Variants in NUP188 observed in about 807,000 individuals in gnomAD.
The protein encoded by NUP188 is nucleoporin NUP188.
NUP188 carries 97 observed loss-of-function variants against 223.0 expected under a neutral mutation model. That is an observed-to-expected ratio of 0.43 (90% CI 0.37 to 0.51). NUP188 has a LOEUF of 0.51. Ranked by LOEUF, NUP188 falls within the 20% of genes least tolerant of loss-of-function variation. The pLI is 0.00. For missense variants in NUP188, 1,947 were observed against 2,175.6 expected (o/e 0.89, Z 2.09); for synonymous variants, 869 against 828.0 (o/e 1.05, Z -0.85).
intron 24 of NUP188, among the ~76,000 whole-genome samples, chr9:128,989,695 T>C (rs1418044711): frequency 6.6e-6 from 1 of 151,870 alleles, no homozygotes; most frequent in Non-Finnish European, 1.5e-5. Context: ...TAGCTGGACG[T>C]GGTGGTGCAC....
rs749050021 is a variant in NUP188, at chr9:128,980,578, A to T, written c.1270-28A>T. 10 of 1,592,240 alleles carry T rather than the reference A, an allele frequency of 6.3e-6. No individual in the cohort carries two copies. The South Asian group carries it at 1.0e-4, about 16-fold the overall frequency. ...ATGTTAATTTGTGGATAATGTGAAG[A>T]TCAGTGATTTGTCCCCTTCCACCAC... On this transcript the variant is annotated intron_variant, in intron 13 of 43. Coordinates refer to ENST00000372577, the MANE Select transcript of NUP188 (RefSeq NM_015354.3).
intron 3 of NUP188, 77 bp downstream of exon 3, chr9:128,952,923 C>T: frequency 8.7e-7 from 1 of 1,154,616 alleles, no homozygotes; most frequent in East Asian, 2.4e-5. Flanking sequence ...CTTCTATGTG[C>T]TTTGATGATA....
intron 2 of NUP188, among the ~76,000 whole-genome samples, chr9:128,950,470 C>T (rs756001049): frequency 6.6e-6 from 1 of 152,228 alleles, no homozygotes; most frequent in Non-Finnish European, 1.5e-5. Flanking sequence ...ATCTGCCCAC[C>T]TCAGTCTCCC....
Position 129,006,324 on chromosome 9 carries a change from C to T in NUP188, c.5029C>T (p.Pro1677Ser). 1 of 1,614,162 alleles carries T rather than the reference C, an allele frequency of 6.2e-7. No homozygotes were observed. Among genetic ancestry groups the T allele is most frequent in the East Asian group, 2.2e-5 (1 of 44,870 alleles). Residue 1677 changes from proline to serine, a missense_variant, in exon 43 of 44, where the codon CCC becomes TCC. Transcript: ENST00000372577. ...MRYLRDPAVH[P>S]RDKQRMKQEL... is the part of the protein sequence containing the mutation. ...GTACCTTAGGGACCCGGCTGTGCAC[C>T]CCCGGGACAAACAGCGGATGAAGCA...
In NUP188 at chr9:129,006,079, G is replaced by C; in HGVS notation, c.4899G>C (p.Gln1633His). The part of the protein sequence containing the change: ...ELDKKKEPLT[Q>H]AVGLSTQAEG... The stretch of plus-strand genomic sequence containing the variant: ...ACAAGAAAAAGGAGCCCCTCACCCA[G>C]GCAGTGGGGCTCAGCACACAGGCAG... The change falls in exon 42 of 44, where the codon CAG (glutamine) becomes CAC (histidine). Residue 1633 changes from glutamine to histidine, a missense_variant. Gln to His is a conservative substitution (Grantham distance 24). This residue lies in a region of NUP188 where 905 missense variants were observed against 990.6 expected (regional missense o/e 0.91). Transcript: ENST00000372577. The C allele has an allele frequency of 6.2e-7, 1 of 1,614,166 alleles. No individual in the cohort carries two copies. The highest frequency in any genetic ancestry group is 1.6e-4 in the Middle Eastern group (1 of 6,062).
At chr9:128,947,962 T>G (rs1841712855) in intron 1 of NUP188, 1 of 401,374 alleles carries the variant, frequency 2.5e-6, no homozygotes, top group South Asian at 1.3e-4. Context: ...GGCCGGCTCT[T>G]CACCCCTTCC....
In NUP188 at chr9:129,006,108, G is replaced by A. The variant is rs939226852; in HGVS notation, c.4928G>A (p.Gly1643Glu). ...QAVGLSTQAEGTRTLKSLLMF... is the reference protein window; with the variant it reads ...QAVGLSTQAEETRTLKSLLMF... Reference sequence around the variant, plus strand: ...GTGGGGCTCAGCACACAGGCAGAAGGGACCAGGACGTTAAAGTAAGTGCTC... The same window carrying A: ...GTGGGGCTCAGCACACAGGCAGAAGAGACCAGGACGTTAAAGTAAGTGCTC... The change falls in exon 42 of 44, where the codon GGG becomes GAG. Residue 1643 changes from glycine (G) to glutamate (E), a missense_variant. This residue lies in a region of NUP188 where 905 missense variants were observed against 990.6 expected (regional missense o/e 0.91). Transcript: ENST00000372577. 9.9e-6 allele frequency: 16 copies of A among 1,614,126 alleles called. No individual in the cohort carries two copies. The highest frequency in any genetic ancestry group is 1.4e-5 in the Non-Finnish European group (16 of 1,180,034).
At chr9:128,953,179 T>A (rs754782755) in intron 3 of NUP188, among the ~76,000 whole-genome samples, 1 of 152,204 alleles carries the variant, frequency 6.6e-6, no homozygotes, top group South Asian at 2.1e-4. Context: ...CAGTGAAGGA[T>A]GATGCTAACA....
At chr9:128,989,253 T>G (rs767815858) in intron 24 of NUP188, among the ~76,000 whole-genome samples, 14 of 151,998 alleles carry the variant, frequency 9.2e-5, no homozygotes, top group Non-Finnish European at 1.6e-4. Flanking sequence ...CAAAAAAAAG[T>G]AGCTGGGCCT....
At chr9:128,984,582 G>A (rs903857460) in intron 19 of NUP188, among the ~76,000 whole-genome samples, 8 of 152,006 alleles carry the variant, frequency 5.3e-5, no homozygotes, top group South Asian at 2.1e-4. Flanking sequence ...ATGGGTTCTC[G>A]AGCTCAGCCA....
At chr9:128,980,176 T>C (rs1041475793) in intron 13 of NUP188, among the ~76,000 whole-genome samples, 3 of 152,200 alleles carry the variant, frequency 2.0e-5, no homozygotes, top group African/African-American at 7.2e-5. Context: ...TTTTACCCTC[T>C]TTTTTGTAAG....
intron 11 of NUP188, among the ~76,000 whole-genome samples, chr9:128,972,731 A>G (rs1842120222): frequency 1.3e-5 from 2 of 152,192 alleles, no homozygotes; most frequent in Non-Finnish European, 2.9e-5. Context: ...CAGTTTTGCT[A>G]TGAACCTAAA....
At position 129,006,664 on chromosome 9, in the gene NUP188, C is replaced by T; in HGVS notation, c.5236C>T (p.His1746Tyr). 1.2e-6 allele frequency: 2 copies of T among 1,613,274 alleles called. No homozygotes were observed. Among genetic ancestry groups the T allele is most frequent in the Non-Finnish European group, 8.5e-7 (1 of 1,179,784 alleles). ...CCAGTTGGTGCAGGCGTTTGTCCGG[C>T]ATATGCAAAGATAGGGCAGTGCTGT... ...LIQLVQAFVR[H>Y]MQR Residue 1746 changes from histidine to tyrosine, a missense_variant, in exon 44 of 44, where the codon CAT becomes TAT. This residue lies in a region of NUP188 where 905 missense variants were observed against 990.6 expected (regional missense o/e 0.91). Coordinates refer to ENST00000372577, the MANE Select transcript of NUP188 (RefSeq NM_015354.3).
chr9:128,999,479 G>GT (rs1215301325), intron 33 of NUP188, 145 bp from the exon 34 acceptor site: 1 of 1,186,874 alleles, frequency 8.4e-7, no homozygotes, highest in East Asian at 2.5e-5. Flanking sequence ...TCCCTCATGT[G>GT]TCTCTCCCTC....
In NUP188 at chr9:129,005,386, C is replaced by A. The variant is rs1305395317; in HGVS notation, c.4593C>A (p.Ser1531=). 6.2e-7 allele frequency: 1 copy of A among 1,613,190 alleles called. No individual in the cohort carries two copies. The highest frequency in any genetic ancestry group is 2.2e-5 in the East Asian group (1 of 44,862). The stretch of plus-strand genomic sequence containing the variant: ...CTGCTGCTTCTGCTGCCCCCTCCTC[C>A]TCAAAGCAGCCCGCTGCTGACACAG... ...PPSAASAAPS[S]SKQPAADTEA... Residue 1531 remains serine (S), a synonymous_variant, in exon 40 of 44, where the codon TCC becomes TCA. Transcript: ENST00000372577.
At chr9:128,966,441 A>G (rs1406000526) in intron 8 of NUP188, among the ~76,000 whole-genome samples, 3 of 151,784 alleles carry the variant, frequency 2.0e-5, no homozygotes, top group African/African-American at 7.3e-5. Context: ...TAGTGGCACA[A>G]TCACGGCTCA....
chr9:128,994,550 G>GA (rs757318621), intron 28 of NUP188, 108 bp downstream of exon 28: 20 of 790,778 alleles, frequency 2.5e-5, no homozygotes, highest in Non-Finnish European at 4.3e-5. Flanking sequence ...TTAAACAACA[G>GA]AATGTTCCCT....
In NUP188 at chr9:129,003,453, A is replaced by G. The variant is rs996853041; in HGVS notation, c.4433A>G (p.Gln1478Arg). 6 of 1,609,354 alleles carry G rather than the reference A, an allele frequency of 3.7e-6. No homozygotes were observed. The Admixed American group carries it at 5.0e-5, about 13-fold the overall frequency. Reference protein sequence around the residue: ...FHLPQLMRDIQVNLGYLCQAC... With the variant: ...FHLPQLMRDIRVNLGYLCQAC... ...CTGCCTCAGCTCATGCGTGATATCC[A>G]GGTGGGGGCCCAAGATGGTGTCTTG... is the stretch of plus-strand genomic sequence containing the variant. Residue 1478 changes from glutamine to arginine, a missense_variant and splice_region_variant, in exon 38 of 44, where the codon CAG (glutamine) becomes CGG (arginine). Transcript: ENST00000372577.
At chr9:128,956,898 G>A (rs1170397483) in intron 4 of NUP188, 54 bp from the exon 5 acceptor site, 20 of 1,223,584 alleles carry the variant, frequency 1.6e-5, no homozygotes, top group Non-Finnish European at 2.2e-5. Context: ...TAAATTCTCT[G>A]CATCCTGTGT....
Sources: allele counts gnomAD v4.1 joint callset (sites outside exome capture counted in the v4.1 genomes callset), GRCh38; gene constraint gnomAD v4.1.1; regional missense constraint gnomAD v4.1.1; transcripts MANE v1.5; gene names NCBI Gene and HGNC (gene_info 2026-07-23, HGNC 2026-07-21).